Variants in CACNA2D1 observed in about 807,000 individuals in gnomAD.
CACNA2D1 encodes calcium voltage-gated channel auxiliary subunit alpha2delta 1.
CACNA2D1 carries 53 observed loss-of-function variants against 171.5 expected under a neutral mutation model. That is an observed-to-expected ratio of 0.31 (90% CI 0.25 to 0.39). The LOEUF is 0.39. Ranked by LOEUF, CACNA2D1 falls within the 10% of genes least tolerant of loss-of-function variation. The pLI, the probability that CACNA2D1 is intolerant of heterozygous loss-of-function variation, is 1.00. For synonymous variants in CACNA2D1, 442 were observed against 443.1 expected, an observed-to-expected ratio of 1.00 and a Z score of 0.03; for missense variants, 903 against 1,299.8, an observed-to-expected ratio of 0.69 and a Z score of 4.69.
At chr7:82,058,424 T>C (rs1806206189) in intron 10 of CACNA2D1, among the ~76,000 whole-genome samples, 2 of 152,162 alleles carry the variant, frequency 1.3e-5, no homozygotes, top group African/African-American at 2.4e-5. Context: ...ATGCCACAGA[T>C]AGTATTTTTA....
intron 1 of CACNA2D1, among the ~76,000 whole-genome samples, chr7:82,397,477 G>C (rs1344215931): frequency 6.6e-6 from 1 of 151,158 alleles, no homozygotes; most frequent in Non-Finnish European, 1.5e-5. Context: ...TTTTTATATT[G>C]CAAGTGATTA....
chr7:82,096,973 A>G (rs1811957610), intron 6 of CACNA2D1, among the ~76,000 whole-genome samples: 1 of 152,140 alleles, frequency 6.6e-6, no homozygotes, highest in African/African-American at 2.4e-5. Context: ...AACAGACCCT[A>G]TGAGTAACAC....
intron 3 of CACNA2D1, among the ~76,000 whole-genome samples, chr7:82,334,858 AATTTATTATTATGTATCATG>A (rs938502811): frequency 4.9e-4 from 75 of 152,216 alleles, no homozygotes; most frequent in African/African-American, 1.6e-3. Context: ...AAACATGTTC[AATTTATTATTATGTATCATG>A]ATGTACATGT....
At chr7:82,193,145 C>T (rs936345530) in intron 3 of CACNA2D1, among the ~76,000 whole-genome samples, 1 of 151,428 alleles carries the variant, frequency 6.6e-6, no homozygotes, top group Non-Finnish European at 1.5e-5. Context: ...ATGAGAATTG[C>T]ACTTTACCCG....
intron 6 of CACNA2D1, among the ~76,000 whole-genome samples, 173 bp from the exon 7 acceptor site, chr7:82,085,073 C>T (rs1292301793): frequency 1.3e-5 from 2 of 152,204 alleles, no homozygotes; most frequent in Admixed American, 6.5e-5. Context: ...TTGACTGGAT[C>T]TACTACCAAC....
intron 20 of CACNA2D1, among the ~76,000 whole-genome samples, chr7:81,994,282 A>T (rs939118737): frequency 6.6e-6 from 1 of 152,136 alleles, no homozygotes; most frequent in Non-Finnish European, 1.5e-5. Flanking sequence ...GATATACTCC[A>T]ATATGATAAT....
intron 3 of CACNA2D1, among the ~76,000 whole-genome samples, chr7:82,235,595 G>T (rs2367916): frequency 6.6e-6 from 1 of 152,150 alleles, no homozygotes; most frequent in Non-Finnish European, 1.5e-5. Flanking sequence ...AATAACAGAA[G>T]TATTCATCCT....
At chr7:82,419,962 T>C (rs773287781) in intron 1 of CACNA2D1, among the ~76,000 whole-genome samples, 6 of 152,182 alleles carry the variant, frequency 3.9e-5, no homozygotes, top group Non-Finnish European at 8.8e-5. Flanking sequence ...GCATTTACTA[T>C]GTAGAGAGAG....
chr7:82,401,626 C>G (rs868272328), intron 1 of CACNA2D1, among the ~76,000 whole-genome samples: 12 of 151,434 alleles, frequency 7.9e-5, no homozygotes, highest in South Asian at 4.2e-4. Flanking sequence ...TTAGTGGGTG[C>G]AGCGCACCAG....
At chr7:82,318,092 T>G (rs988693665) in intron 3 of CACNA2D1, among the ~76,000 whole-genome samples, 2 of 152,114 alleles carry the variant, frequency 1.3e-5, no homozygotes, top group Non-Finnish European at 2.9e-5. Flanking sequence ...TAAGCATGCC[T>G]TATGCTTAGA....
chr7:82,146,288 C>A (rs952271374), intron 4 of CACNA2D1, among the ~76,000 whole-genome samples: 3 of 149,574 alleles, frequency 2.0e-5, no homozygotes, highest in Non-Finnish European at 3.0e-5. Flanking sequence ...AGGAACTGCT[C>A]ATTTCTTCTA....
intron 2 of CACNA2D1, among the ~76,000 whole-genome samples, chr7:82,342,334 T>C (rs1290086402): frequency 6.6e-6 from 1 of 152,212 alleles, no homozygotes; most frequent in African/African-American, 2.4e-5. Flanking sequence ...GTCTGTTTTG[T>C]TCACTGGTAC....
At chr7:82,157,438 T>C (rs1794481577) in intron 4 of CACNA2D1, among the ~76,000 whole-genome samples, 1 of 152,032 alleles carries the variant, frequency 6.6e-6, no homozygotes, top group Non-Finnish European at 1.5e-5. Flanking sequence ...CATTTCCCAT[T>C]GCCACCACAA....
At position 82,337,316 on chromosome 7, in the gene CACNA2D1, C is replaced by T. The variant is rs528032360; in HGVS notation, c.178-2065G>A. On this transcript the variant is annotated intron_variant, in intron 2 of 38. Coordinates refer to ENST00000356860, the MANE Select transcript of CACNA2D1 (RefSeq NM_000722.4). ...AATAAATTAAAATTATATAACTGCC[C>T]GCCAAAAAAACTAGCTCTTGCTTCT... 8.2e-4 allele frequency among the ~76,000 whole-genome samples: 125 copies of T among 152,034 alleles called. 1 individual carries two copies. Among genetic ancestry groups the T allele is most frequent in the Non-Finnish European group, 7.9e-4 (54 of 67,962 alleles).
chr7:82,185,985 C>T (rs1395676700), intron 3 of CACNA2D1, among the ~76,000 whole-genome samples: 1 of 151,762 alleles, frequency 6.6e-6, no homozygotes, highest in African/African-American at 2.4e-5. Flanking sequence ...GGTAAAACCC[C>T]ATCTCTACTA....
intron 16 of CACNA2D1, among the ~76,000 whole-genome samples, chr7:82,006,648 A>C (rs1167827963): frequency 6.6e-6 from 1 of 152,146 alleles, no homozygotes; most frequent in Admixed American, 6.6e-5. Flanking sequence ...TCCATGAACC[A>C]ATCCTAGTCT....
In CACNA2D1 at chr7:82,443,570, G is replaced by A; in HGVS notation, c.-111C>T. The A allele has an allele frequency of 6.0e-6, 9 of 1,496,404 alleles. No homozygotes were observed. The highest frequency in any genetic ancestry group is 6.2e-6 in the Non-Finnish European group (7 of 1,120,796). The allele number at this position is 1,496,404 out of a possible 1,614,324, so 92.7% of individuals were successfully genotyped here. A position where few individuals can be genotyped will look rare whatever the true frequency, so the allele number is the denominator to read the frequency against. ...CACGCCGCCGGGACCGCGGGCGTCT[G>A]GAGGGCTGGCTGCGCCCGGGGCCCG... is the stretch of plus-strand genomic sequence containing the variant. On this transcript the variant is annotated 5_prime_UTR_variant, in exon 1 of 39. Transcript: ENST00000356860.
In CACNA2D1 at chr7:82,038,134, G is replaced by C; in HGVS notation, c.981C>G (p.Ala327=). The C allele has an allele frequency of 6.2e-7, 1 of 1,613,466 alleles. No homozygotes were observed. The highest frequency in any genetic ancestry group is 8.5e-7 in the Non-Finnish European group (1 of 1,179,658). ...CCTTCTTATAATCTGTAATTCCTTT[G>C]GCTGTGATATTATTCACCGCGTCTT... The part of the protein sequence containing the change: ...VLKDAVNNIT[A]KGITDYKKGF... The change falls in exon 11 of 39, where the codon GCC becomes GCG. Residue 327 remains alanine, a synonymous_variant. Transcript: ENST00000356860.
intron 5 of CACNA2D1, among the ~76,000 whole-genome samples, chr7:82,128,621 C>T (rs536958423): frequency 4.0e-4 from 61 of 152,140 alleles, no homozygotes; most frequent in Non-Finnish European, 7.2e-4. Context: ...AGATTACACT[C>T]GAATGTATCC....
Sources: allele counts gnomAD v4.1 joint callset (sites outside exome capture counted in the v4.1 genomes callset), GRCh38; gene constraint gnomAD v4.1.1; transcripts MANE v1.5; gene names NCBI Gene and HGNC (gene_info 2026-07-23, HGNC 2026-07-21).